The following CSMD2 variants were observed in gnomAD, a reference collection of about 807,000 sequenced individuals.
The protein encoded by CSMD2 is CUB and Sushi multiple domains 2.
Under a neutral mutation model 398.5 loss-of-function variants are expected in CSMD2, and 130 were observed. The observed-to-expected ratio is 0.33, with a 90% CI of 0.28 to 0.38. The LOEUF is 0.38. Ranked by LOEUF, CSMD2 falls within the 10% of genes least tolerant of loss-of-function variation. The pLI, the probability that CSMD2 is intolerant of heterozygous loss-of-function variation, is 1.00. For missense variants in CSMD2, 3,829 were observed against 4,764.9 expected (o/e 0.80, Z 5.78); for synonymous variants, 1,828 against 1,908.5 (o/e 0.96, Z 1.10).
chr1:33,675,128 T>C (rs1644658723), intron 25 of CSMD2, among the ~76,000 whole-genome samples: 3 of 151,858 alleles, frequency 2.0e-5, no homozygotes, highest in South Asian at 4.2e-4. Flanking sequence ...CTGAAGGAAA[T>C]AGAGACACAA....
intron 25 of CSMD2, among the ~76,000 whole-genome samples, chr1:33,667,319 A>C (rs1016565748): frequency 2.6e-5 from 4 of 152,196 alleles, no homozygotes; most frequent in Non-Finnish European, 4.4e-5. Context: ...TTCCATAACA[A>C]CCACTGTGTA....
intron 13 of CSMD2, among the ~76,000 whole-genome samples, chr1:33,756,696 A>G (rs1649072210): frequency 6.6e-6 from 1 of 152,220 alleles, no homozygotes; most frequent in Non-Finnish European, 1.5e-5. Flanking sequence ...AAAGAGGATG[A>G]CAAGGTCTTC....
chr1:33,719,920 C>T (rs1452879402), intron 19 of CSMD2, among the ~76,000 whole-genome samples: 1 of 152,142 alleles, frequency 6.6e-6, no homozygotes, highest in Non-Finnish European at 1.5e-5. Context: ...GAAAGCCTCA[C>T]GGGTTAAAAG....
intron 60 of CSMD2, 122 bp downstream of exon 60, chr1:33,540,403 G>A (rs1417797955): frequency 2.2e-6 from 2 of 915,820 alleles, no homozygotes; most frequent in Non-Finnish European, 3.3e-6. Flanking sequence ...CTTTGATGAA[G>A]CTCCTCCCTG....
rs1655877794 is a variant in CSMD2 at position 33,537,166 on chromosome 1, A to C, written c.9806-71T>G. On this transcript the variant is annotated intron_variant, in intron 61 of 70. Coordinates refer to ENST00000373381, the MANE Select transcript of CSMD2 (RefSeq NM_001281956.2). This position sits in a 1 kb window ranked among gnomAD's most constrained non-coding sequence, Gnocchi z 4.6. ...TTCACGGCCTCATCTCACTCTGGGAAATAGGTGTAGAAAAGAAAATGCGGC... is the reference window on the plus strand; with the variant it reads ...TTCACGGCCTCATCTCACTCTGGGACATAGGTGTAGAAAAGAAAATGCGGC... 1 of 1,541,696 alleles carries C rather than the reference A, an allele frequency of 6.5e-7. No homozygotes were observed. The highest frequency in any genetic ancestry group is 1.4e-5 in the African/African-American group (1 of 73,510).
chr1:33,828,419 G>A (rs751079320), intron 6 of CSMD2, among the ~76,000 whole-genome samples: 9 of 152,204 alleles, frequency 5.9e-5, no homozygotes, highest in South Asian at 2.1e-4. Context: ...TCTATGACCC[G>A]GTGCAGCCCA....
chr1:33,877,737 A>G (rs1181263991), intron 5 of CSMD2, among the ~76,000 whole-genome samples: 1 of 152,154 alleles, frequency 6.6e-6, no homozygotes, highest in East Asian at 1.9e-4. Context: ...ATTGAAAAGA[A>G]TACTTTTCCC....
intron 28 of CSMD2, among the ~76,000 whole-genome samples, chr1:33,649,628 A>G (rs545965131): frequency 6.6e-5 from 10 of 152,296 alleles, no homozygotes; most frequent in African/African-American, 2.4e-4. Context: ...TGGGTGACAG[A>G]ATGAAACTTT....
At chr1:33,832,089 A>G (rs1195977346) in intron 6 of CSMD2, among the ~76,000 whole-genome samples, 63 of 132,502 alleles carry the variant, frequency 4.8e-4, no homozygotes, top group African/African-American at 1.8e-3. Context: ...CACTGTCAAT[A>G]TTAGACAGAT....
chr1:33,543,148 A>C (rs186866481), intron 57 of CSMD2, among the ~76,000 whole-genome samples: 3 of 152,304 alleles, frequency 2.0e-5, no homozygotes, highest in South Asian at 2.1e-4. Flanking sequence ...TCGTCCTTAA[A>C]ATTTTAAACA....
At chr1:33,705,607 A>G (rs541014070) in intron 22 of CSMD2, among the ~76,000 whole-genome samples, 2 of 152,168 alleles carry the variant, frequency 1.3e-5, no homozygotes, top group East Asian at 3.9e-4. Context: ...GAGAGAGGAT[A>G]CGGGGGAATC....
Position 33,739,275 on chromosome 1 carries a change from C to A in CSMD2, c.2233G>T (p.Asp745Tyr). The change falls in exon 15 of 71, where the codon GAC (aspartate) becomes TAC (tyrosine). Residue 745 changes from aspartate to tyrosine, a missense_variant. Asp to Tyr is a radical substitution (Grantham distance 160). This residue lies in a region of CSMD2 where 2,001 missense variants were observed against 2,567.1 expected (regional missense o/e 0.78). Transcript: ENST00000373381. ...ATGGAGCTGCCCAGCTGGAGGCTGT[C>A]CCCAAACCGTTTGCCATTTACTGGA... ...GVPVNGKRFG[D>Y]SLQLGSSISF... is the part of the protein sequence containing the mutation. 1.2e-6 allele frequency: 2 copies of A among 1,614,150 alleles called. No individual in the cohort carries two copies. The highest frequency in any genetic ancestry group is 1.7e-6 in the Non-Finnish European group (2 of 1,180,010).
At chr1:33,855,533 T>C (rs749936610) in intron 5 of CSMD2, among the ~76,000 whole-genome samples, 1 of 152,160 alleles carries the variant, frequency 6.6e-6, no homozygotes, top group African/African-American at 2.4e-5. Flanking sequence ...CCCTTATTAC[T>C]TTTATATGAT....
At chr1:33,548,951 G>A (rs292811) in intron 56 of CSMD2, among the ~76,000 whole-genome samples, 2,465 of 152,206 alleles carry the variant, frequency 0.016, 66 homozygotes, top group African/African-American at 0.056. Flanking sequence ...AGTCCTGCCC[G>A]GTTCCTTAAT....
chr1:33,706,839 T>C (rs987064275), intron 22 of CSMD2, among the ~76,000 whole-genome samples: 1 of 151,702 alleles, frequency 6.6e-6, no homozygotes, highest in Non-Finnish European at 1.5e-5. Flanking sequence ...TATGTGTGTG[T>C]GCGTGTGTGC....
intron 44 of CSMD2, among the ~76,000 whole-genome samples, chr1:33,590,908 G>A (rs932938671): frequency 4.0e-5 from 6 of 151,396 alleles, no homozygotes; most frequent in East Asian, 1.9e-4. Flanking sequence ...GGTCCCTGTC[G>A]TCTTCCTGGG....
At chr1:33,622,296 C>T in intron 36 of CSMD2, 25 bp from the exon 37 acceptor site, 1 of 1,585,222 alleles carries the variant, frequency 6.3e-7, no homozygotes, top group Non-Finnish European at 8.7e-7. Flanking sequence ...CCAGGGAAAA[C>T]CATTTAAGTT....
intron 23 of CSMD2, 101 bp downstream of exon 23, chr1:33,700,416 G>A (rs1645572371): frequency 1.5e-6 from 2 of 1,299,836 alleles, no homozygotes; most frequent in African/African-American, 3.0e-5. Flanking sequence ...ACAGTCTTAA[G>A]AGCACATTCT....
chr1:33,905,632 GT>G (rs1643041801), intron 5 of CSMD2, among the ~76,000 whole-genome samples: 1 of 152,152 alleles, frequency 6.6e-6, no homozygotes, highest in African/African-American at 2.4e-5. Flanking sequence ...GATGGGTGCT[GT>G]TTTTATTTTG....
Sources: allele counts gnomAD v4.1 joint callset (sites outside exome capture counted in the v4.1 genomes callset), GRCh38; gene constraint gnomAD v4.1.1; regional missense constraint gnomAD v4.1.1; non-coding constraint Gnocchi (gnomAD v3.1); transcripts MANE v1.5; gene names NCBI Gene and HGNC (gene_info 2026-07-23, HGNC 2026-07-21).